Variants in KIF13A observed in about 807,000 individuals in gnomAD.
KIF13A encodes the protein kinesin family member 13A.
A neutral mutation model predicts 212.2 loss-of-function variants in KIF13A; 79 were observed. That is an observed-to-expected ratio of 0.37 (90% CI 0.31 to 0.45). The LOEUF is 0.45. Ranked by LOEUF, KIF13A falls within the 20% of genes least tolerant of loss-of-function variation. The pLI, the probability that KIF13A is intolerant of heterozygous loss-of-function variation, is 1.00. For synonymous variants in KIF13A, 789 were observed against 808.6 expected, an observed-to-expected ratio of 0.98 and a Z score of 0.41; for missense variants, 1,901 against 2,209.0, an observed-to-expected ratio of 0.86 and a Z score of 2.79.
At chr6:17,978,420 C>T (rs1780772223) in intron 2 of KIF13A, among the ~76,000 whole-genome samples, 2 of 152,098 alleles carry the variant, frequency 1.3e-5, no homozygotes, top group Non-Finnish European at 1.5e-5. Context: ...TCACATAAAT[C>T]AACTCTTGTT....
Position 17,892,045 on chromosome 6 carries a change from G to A in KIF13A, c.159+6123C>T, listed in dbSNP as rs908958438. Among the ~76,000 whole-genome samples, 5 of 152,052 alleles carry A rather than the reference G, an allele frequency of 3.3e-5. No homozygotes were observed. Among genetic ancestry groups the A allele is most frequent in the Non-Finnish European group, 5.9e-5 (4 of 68,018 alleles). ...TACCTGATCTTTGTAAGGCAGAGTC[G>A]GCAAATTCGTATCACCTGCTAAGCA... On this transcript the variant is annotated intron_variant, in intron 3 of 38. Transcript: ENST00000259711. This position sits in a 1 kb window ranked among gnomAD's most constrained non-coding sequence, Gnocchi z 4.7.
intron 17 of KIF13A, among the ~76,000 whole-genome samples, chr6:17,815,364 G>C (rs931309293): frequency 6.6e-6 from 1 of 152,288 alleles, no homozygotes; most frequent in African/African-American, 2.4e-5. Flanking sequence ...AGAGGTGGTG[G>C]AGCAGAGTCT....
chr6:17,940,825 T>TTA (rs1776897913), intron 2 of KIF13A, among the ~76,000 whole-genome samples: 2 of 144,112 alleles, frequency 1.4e-5, no homozygotes, highest in African/African-American at 5.2e-5. Context: ...TTATTTTTTT[T>TTA]TTTTTTTTTT....
intron 38 of KIF13A, among the ~76,000 whole-genome samples, chr6:17,767,588 A>G (rs1198258951): frequency 1.3e-5 from 2 of 152,184 alleles, no homozygotes; most frequent in Non-Finnish European, 1.5e-5. Context: ...TATCTCTTCT[A>G]TTTCCTTTTG....
At chr6:17,976,560 G>T (rs1463604583) in intron 2 of KIF13A, among the ~76,000 whole-genome samples, 3 of 152,112 alleles carry the variant, frequency 2.0e-5, no homozygotes, top group African/African-American at 7.2e-5. Flanking sequence ...GTTCCCGCTC[G>T]CGCCTCTCCC....
At chr6:17,818,390 C>T (rs941940433) in intron 16 of KIF13A, among the ~76,000 whole-genome samples, 1 of 152,094 alleles carries the variant, frequency 6.6e-6, no homozygotes, top group African/African-American at 2.4e-5. Flanking sequence ...GATACCCTAA[C>T]AACTTGTAAA....
rs995721373 is a variant in KIF13A at position 17,826,734 on chromosome 6, C to A, written c.1533-610G>T. Among the ~76,000 whole-genome samples the A allele has an allele frequency of 8.9e-4, 135 of 152,188 alleles. 1 individual carries two copies. Among genetic ancestry groups the A allele is most frequent in the African/African-American group, 3.1e-3 (128 of 41,534 alleles). On this transcript the variant is annotated intron_variant, in intron 14 of 38. Coordinates refer to ENST00000259711, the MANE Select transcript of KIF13A (RefSeq NM_022113.6). This position sits in a 1 kb window ranked among gnomAD's most constrained non-coding sequence, Gnocchi z 4.7. ...CAACTGAAAAAGAAAACTGATGAGA[C>A]AACTGGGGAAATCTGAACACTGACT... is the stretch of plus-strand genomic sequence containing the variant.
At chr6:17,964,777 A>G (rs1779147801) in intron 2 of KIF13A, among the ~76,000 whole-genome samples, 1 of 152,100 alleles carries the variant, frequency 6.6e-6, no homozygotes, top group Admixed American at 6.6e-5. Flanking sequence ...TTTATCCCAG[A>G]TAACCCAGGT....
chr6:17,759,339 G>C (rs1758488959), downstream of KIF13A: 1 of 151,918 alleles, frequency 6.6e-6, no homozygotes, highest in Non-Finnish European at 1.5e-5. Context: ...AAGTTCAAAG[G>C]GGATATAAAT....
At chr6:17,875,001 A>G (rs867832004) in intron 3 of KIF13A, among the ~76,000 whole-genome samples, 2 of 133,292 alleles carry the variant, frequency 1.5e-5, no homozygotes, top group African/African-American at 2.9e-5. Flanking sequence ...ACGCACACGC[A>G]CGCACACACA....
intron 18 of KIF13A, among the ~76,000 whole-genome samples, chr6:17,807,104 T>C (rs1763031598): frequency 6.6e-6 from 1 of 152,214 alleles, no homozygotes; most frequent in South Asian, 2.1e-4. Flanking sequence ...GTGTTAACTA[T>C]ACAAATTGAT....
intron 25 of KIF13A, among the ~76,000 whole-genome samples, chr6:17,793,148 TG>T (rs1761737837): frequency 6.6e-6 from 1 of 152,130 alleles, no homozygotes; most frequent in Non-Finnish European, 1.5e-5. Flanking sequence ...GGTATGATCT[TG>T]GCTCACTTGC....
chr6:17,773,675 G>A lies in KIF13A; in HGVS notation c.4219-92C>T. On this transcript the variant is annotated intron_variant, in intron 35 of 38. Coordinates refer to ENST00000259711, the MANE Select transcript of KIF13A (RefSeq NM_022113.6). This position sits in a 1 kb window ranked among gnomAD's most constrained non-coding sequence, Gnocchi z 4.2. Reference sequence around the variant, plus strand: ...GGAGTTTCTTCTGTTTTTTTTTAATGGCAGCATATGCTCTTCTTTATTTTT... The same window carrying A: ...GGAGTTTCTTCTGTTTTTTTTTAATAGCAGCATATGCTCTTCTTTATTTTT... 1.7e-6 allele frequency: 1 copy of A among 596,406 alleles called. No individual in the cohort carries two copies. Among genetic ancestry groups the A allele is most frequent in the Non-Finnish European group, 3.0e-6 (1 of 338,460 alleles). 36.9% of individuals were successfully genotyped at this position (596,406 alleles called of 1,614,324 possible).
At position 17,918,608 on chromosome 6, in the gene KIF13A, G is replaced by A. The variant is rs1025338703; in HGVS notation, c.147-20428C>T. 1.3e-5 allele frequency among the ~76,000 whole-genome samples: 2 copies of A among 152,276 alleles called. No homozygotes were observed. The highest frequency in any genetic ancestry group is 2.9e-5 in the Non-Finnish European group (2 of 68,014). On this transcript the variant is annotated intron_variant, in intron 2 of 38. Coordinates refer to ENST00000259711, the MANE Select transcript of KIF13A (RefSeq NM_022113.6). This position sits in a 1 kb window ranked among gnomAD's most constrained non-coding sequence, Gnocchi z 4.8. ...GTGTCGAGTTATCTAAATGGACCTT[G>A]TGTTTTCTTGGGGCTGCCTTCCTAC...
intron 16 of KIF13A, among the ~76,000 whole-genome samples, chr6:17,820,318 G>A (rs77520065): frequency 0.044 from 6,696 of 152,218 alleles, 369 homozygotes; most frequent in African/African-American, 0.13. Flanking sequence ...CGAACTCCCA[G>A]ATCCGCCCTC....
intron 11 of KIF13A, among the ~76,000 whole-genome samples, chr6:17,835,657 G>A (rs1397367071): frequency 6.6e-6 from 1 of 152,192 alleles, no homozygotes; most frequent in Non-Finnish European, 1.5e-5. Context: ...TACTTTAAGA[G>A]CCACAGCCTG....
chr6:17,874,184 T>C (rs921917870), intron 3 of KIF13A, among the ~76,000 whole-genome samples: 1 of 152,100 alleles, frequency 6.6e-6, no homozygotes, highest in Non-Finnish European at 1.5e-5. Flanking sequence ...ATCTGTAGCA[T>C]ACTGAAGTTC....
Position 17,837,663 on chromosome 6 carries a change from C to T in KIF13A, c.831-80G>A. 2.0e-6 allele frequency: 2 copies of T among 991,234 alleles called. No individual in the cohort carries two copies. Among genetic ancestry groups the T allele is most frequent in the South Asian group, 2.9e-5 (2 of 68,460 alleles). The allele number at this position is 991,234 out of a possible 1,614,324, so 61.4% of individuals were successfully genotyped here. Reference sequence around the variant, plus strand: ...TAAAATATGCAGAACAATAAAGCTCCACAGTTAATACACGTTGGTGGCTCA... The same window carrying T: ...TAAAATATGCAGAACAATAAAGCTCTACAGTTAATACACGTTGGTGGCTCA... On this transcript the variant is annotated intron_variant, in intron 9 of 38. Transcript: ENST00000259711. The surrounding 1 kb of genome is among the most constrained non-coding windows in gnomAD (Gnocchi z 5.4).
chr6:17,913,050 G>A (rs535979622), intron 2 of KIF13A, among the ~76,000 whole-genome samples: 18 of 151,396 alleles, frequency 1.2e-4, no homozygotes, highest in Non-Finnish European at 2.2e-4. Flanking sequence ...GGCTCCCAAA[G>A]TGCTGGGGTT....
Sources: allele counts gnomAD v4.1 joint callset (sites outside exome capture counted in the v4.1 genomes callset), GRCh38; gene constraint gnomAD v4.1.1; non-coding constraint Gnocchi (gnomAD v3.1); transcripts MANE v1.5; gene names NCBI Gene and HGNC (gene_info 2026-07-23, HGNC 2026-07-21).